CHST11: variants seen among roughly 807,000 people sequenced by gnomAD.
CHST11 encodes the protein carbohydrate sulfotransferase 11, also known as C4S-1.
Under a neutral mutation model 30.4 loss-of-function variants are expected in CHST11, and 9 were observed. The ratio of observed to expected loss-of-function variants is 0.30; its 90% CI spans 0.18 to 0.52. CHST11 has a LOEUF of 0.52. CHST11 is among the 20% of genes least tolerant of loss of function. The probability of loss-of-function intolerance (pLI) is 0.97; values close to 1 mark genes in which losing one functional copy is unlikely to be tolerated. For synonymous variants in CHST11, 152 were observed against 187.8 expected (o/e 0.81, Z 1.56); for missense variants, 348 against 460.6 (o/e 0.76, Z 2.24).
intron 2 of CHST11, among the ~76,000 whole-genome samples, chr12:104,608,759 C>A (rs1174385745): frequency 2.0e-5 from 3 of 152,168 alleles, no homozygotes; most frequent in Non-Finnish European, 4.4e-5. Flanking sequence ...TATATGAAGG[C>A]TCTGTGTCTG....
chr12:104,518,881 T>C (rs1042740590), intron 1 of CHST11, among the ~76,000 whole-genome samples: 3 of 152,248 alleles, frequency 2.0e-5, no homozygotes, highest in African/African-American at 7.2e-5. Context: ...TTATGGTGTT[T>C]CTACTAAGTC....
chr12:104,494,147 C>T (rs1475487508), intron 1 of CHST11, among the ~76,000 whole-genome samples: 3 of 152,168 alleles, frequency 2.0e-5, no homozygotes, highest in African/African-American at 4.8e-5. Context: ...CCTGGCCCAT[C>T]CACAGTCACG....
intron 2 of CHST11, among the ~76,000 whole-genome samples, chr12:104,689,540 C>T (rs551511144): frequency 2.6e-5 from 4 of 152,324 alleles, no homozygotes; most frequent in Admixed American, 2.0e-4. Context: ...ACTATAATTA[C>T]GTGATTAATC....
At chr12:104,479,435 T>A (rs930514832) in intron 1 of CHST11, among the ~76,000 whole-genome samples, 1 of 152,140 alleles carries the variant, frequency 6.6e-6, no homozygotes, top group African/African-American at 2.4e-5. Flanking sequence ...CATCCCCAGC[T>A]CCTAGAACGG....
chr12:104,652,881 C>T (rs1310155914), intron 2 of CHST11, among the ~76,000 whole-genome samples: 2 of 151,976 alleles, frequency 1.3e-5, no homozygotes, highest in Non-Finnish European at 2.9e-5. Flanking sequence ...TTGGCCTCTG[C>T]TCCCTACACG....
At chr12:104,642,031 C>T (rs181246684) in intron 2 of CHST11, among the ~76,000 whole-genome samples, 10 of 152,274 alleles carry the variant, frequency 6.6e-5, no homozygotes, top group African/African-American at 1.4e-4. Flanking sequence ...TGCTGCTGAA[C>T]GTCCTATGGT....
intron 2 of CHST11, among the ~76,000 whole-genome samples, chr12:104,692,592 G>C (rs1374702134): frequency 1.3e-5 from 2 of 152,076 alleles, no homozygotes; most frequent in African/African-American, 4.8e-5. Flanking sequence ...TAAACCAGGG[G>C]TCCCTAATGC....
chr12:104,705,585 TTAA>T (rs1038695667), intron 2 of CHST11, among the ~76,000 whole-genome samples: 1 of 152,052 alleles, frequency 6.6e-6, no homozygotes, highest in African/African-American at 2.4e-5. Flanking sequence ...AAGCGAAATA[TTAA>T]TATATAGCAA....
chr12:104,673,518 T>G (rs2039714802), intron 2 of CHST11, among the ~76,000 whole-genome samples: 1 of 152,208 alleles, frequency 6.6e-6, no homozygotes, highest in Non-Finnish European at 1.5e-5. Flanking sequence ...CCCATAGGTT[T>G]GTTATGAGCA....
intron 1 of CHST11, among the ~76,000 whole-genome samples, chr12:104,528,208 A>G (rs1245842563): frequency 6.6e-6 from 1 of 152,232 alleles, no homozygotes; most frequent in Non-Finnish European, 1.5e-5. Context: ...CTATACACCA[A>G]ACAAGCATGT....
At chr12:104,559,429 G>C (rs1382644650) in intron 1 of CHST11, among the ~76,000 whole-genome samples, 1 of 152,198 alleles carries the variant, frequency 6.6e-6, no homozygotes, top group Non-Finnish European at 1.5e-5. Flanking sequence ...CTCCATTCTG[G>C]TGGGGAAGAC....
rs955313570 is a variant in CHST11 at position 104,488,576 on chromosome 12, T to C, written c.118+31047T>C. 1.4e-4 allele frequency among the ~76,000 whole-genome samples: 19 copies of C among 134,364 alleles called. No homozygotes were observed. In the South Asian group the frequency reaches 3.0e-3, roughly 21 times the overall value. 88.1% of individuals were successfully genotyped at this position (134,364 alleles called of 152,430 possible). A position where few individuals can be genotyped will look rare whatever the true frequency, so the allele number is the denominator to read the frequency against. On this transcript the variant is annotated intron_variant, in intron 1 of 2. Coordinates refer to ENST00000303694, the MANE Select transcript of CHST11 (RefSeq NM_018413.6). The stretch of plus-strand genomic sequence containing the variant: ...GTATGTGTGTGTATGCGTGTGTATG[T>C]GTGTGTATGTATGCGTATGTATGCG...
At chr12:104,583,721 C>CTTTTTTTTTTTTTTTTT (rs1297368145) in intron 1 of CHST11, among the ~76,000 whole-genome samples, 6 of 10,118 alleles carry the variant, frequency 5.9e-4, no homozygotes, top group African/African-American at 6.8e-4. Context: ...AGATCTCTCT[C>CTTTTTTTTTTTTTTTTT]TTTTTTTTGA....
At chr12:104,595,559 T>C (rs1341305333) in intron 1 of CHST11, among the ~76,000 whole-genome samples, 1 of 152,186 alleles carries the variant, frequency 6.6e-6, no homozygotes, top group Middle Eastern at 3.2e-3. Context: ...GATCACCTGG[T>C]TGAACCTCTT....
chr12:104,561,859 C>T (rs1305459796), intron 1 of CHST11, among the ~76,000 whole-genome samples: 2 of 148,806 alleles, frequency 1.3e-5, no homozygotes, highest in South Asian at 2.1e-4. Flanking sequence ...GGTGTGATCT[C>T]GGCTCACTGC....
At chr12:104,637,302 T>TAAAAA (rs10622882) in intron 2 of CHST11, among the ~76,000 whole-genome samples, 27 of 62,590 alleles carry the variant, frequency 4.3e-4, no homozygotes, top group African/African-American at 1.6e-3. Flanking sequence ...TGAGACCCTG[T>TAAAAA]AAAAAAAAAA....
chr12:104,499,093 A>T (rs2037828146), intron 1 of CHST11, among the ~76,000 whole-genome samples: 1 of 152,214 alleles, frequency 6.6e-6, no homozygotes. Context: ...ATTTCTTTGC[A>T]GCAGGGACCA....
intron 1 of CHST11, among the ~76,000 whole-genome samples, chr12:104,566,691 T>G (rs1184847900): frequency 6.6e-6 from 1 of 152,140 alleles, no homozygotes; most frequent in Non-Finnish European, 1.5e-5. Context: ...GCTCAGAATG[T>G]TTGAAAGAAT....
At chr12:104,607,846 CAA>C (rs754738165) in intron 2 of CHST11, among the ~76,000 whole-genome samples, 2 of 152,130 alleles carry the variant, frequency 1.3e-5, no homozygotes, top group Non-Finnish European at 2.9e-5. Context: ...GAGGAGCCCA[CAA>C]AAACTGGCGT....
Sources: gnomAD v4.1 joint callset for allele counts (sites outside exome capture counted in the v4.1 genomes callset) on GRCh38, gnomAD v4.1.1 for gene constraint, MANE v1.5 for transcripts, NCBI Gene and HGNC (gene_info 2026-07-23, HGNC 2026-07-21) for gene names.